Variants in GLDC observed in about 807,000 individuals in gnomAD.
GLDC encodes glycine decarboxylase.
In GLDC, 104 loss-of-function variants were observed where a neutral mutation model predicts 121.3. The observed-to-expected ratio is 0.86, with a 90% CI of 0.73 to 1.01. GLDC has a LOEUF of 1.01. GLDC is among the 50% of genes least tolerant of loss of function. The pLI is 0.00. For synonymous variants in GLDC, 546 were observed against 480.6 expected (o/e 1.14, Z -1.78); for missense variants, 1,429 against 1,306.6 (o/e 1.09, Z -1.44).
At chr9:6,607,399 A>T (rs7048581) in intron 4 of GLDC, among the ~76,000 whole-genome samples, 34,437 of 151,840 alleles carry the variant, frequency 0.23, 4,171 homozygotes, top group Admixed American at 0.3. Context: ...CCTGACCAAC[A>T]TAGCAAAACC....
chr9:6,591,733 T>C (rs1187002817), intron 11 of GLDC: 2 of 256,704 alleles, frequency 7.8e-6, no homozygotes, highest in Non-Finnish European at 1.5e-5. Flanking sequence ...TACAGGTATG[T>C]GCCACCATGC....
intron 15 of GLDC, among the ~76,000 whole-genome samples, chr9:6,581,843 TCAAAAAA>T (rs1265150669): frequency 6.6e-6 from 1 of 152,056 alleles, no homozygotes; most frequent in Non-Finnish European, 1.5e-5. Context: ...CCTTTGTGCA[TCAAAAAA>T]CACTGTAAAC....
chr9:6,589,223 G>C lies in GLDC; in HGVS notation c.1552C>G (p.Pro518Ala), dbSNP rs776323083. 1.2e-6 allele frequency: 2 copies of C among 1,607,444 alleles called. No homozygotes were observed. Among genetic ancestry groups the C allele is most frequent in the African/African-American group, 1.3e-5 (1 of 74,882 alleles). The stretch of plus-strand genomic sequence containing the variant: ...TTGAACACTTGATGGGTGAGGAACG[G>C]GCTGGTCCTCTTGAACACAGACCCT... The part of the protein sequence containing the change: ...IPGSVFKRTS[P>A]FLTHQVFNSY... The change falls in exon 12 of 25, where the codon CCG (proline) becomes GCG (alanine). Residue 518 changes from proline (P) to alanine (A), a missense_variant. Physicochemically the swap from Pro to Ala is conservative, Grantham distance 27 (BLOSUM62 -1). Transcript: ENST00000321612.
In GLDC at chr9:6,592,742, T is replaced by G. The variant is rs1818399104; in HGVS notation, c.1401+109A>C. The G allele has an allele frequency of 2.9e-6, 3 of 1,017,686 alleles. No individual in the cohort carries two copies. The Admixed American group carries it at 6.4e-5, about 22-fold the overall frequency. The allele number at this position is 1,017,686 out of a possible 1,614,324, so 63.0% of individuals were successfully genotyped here. On this transcript the variant is annotated intron_variant, in intron 10 of 24. Transcript: ENST00000321612. ...ACACTTGTTTATGAAAAAATAGGACTGTGCCTAAAGTTTTCCTTTTTATTT... is the reference window on the plus strand; with the variant it reads ...ACACTTGTTTATGAAAAAATAGGACGGTGCCTAAAGTTTTCCTTTTTATTT...
At chr9:6,614,265 T>A (rs1397366402) in intron 3 of GLDC, among the ~76,000 whole-genome samples, 2 of 152,122 alleles carry the variant, frequency 1.3e-5, no homozygotes, top group Non-Finnish European at 2.9e-5. Context: ...GACAGAGTCT[T>A]GCTCTGTCAC....
chr9:6,636,132 C>T (rs945573401), intron 2 of GLDC, among the ~76,000 whole-genome samples: 2 of 151,936 alleles, frequency 1.3e-5, no homozygotes, highest in African/African-American at 2.4e-5. Context: ...GTGAAACCCC[C>T]GTCTCTACTA....
chr9:6,545,933 G>A (rs987860519), intron 21 of GLDC, among the ~76,000 whole-genome samples: 7 of 152,100 alleles, frequency 4.6e-5, no homozygotes, highest in African/African-American at 1.7e-4. Flanking sequence ...GAGCCACCAT[G>A]CCCAGCGTAC....
Position 6,595,206 on chromosome 9 carries a change from A to G in GLDC, c.1156-87T>C, listed in dbSNP as rs560920269. On this transcript the variant is annotated intron_variant, in intron 8 of 24. Coordinates refer to ENST00000321612, the MANE Select transcript of GLDC (RefSeq NM_000170.3). ...TACTTGACTTGGGATGTCAAAACTG[A>G]AGACAGCGACAAAACAAAATGATCA... 3.6e-5 allele frequency: 32 copies of G among 886,326 alleles called. No homozygotes were observed. The African/African-American group carries it at 3.9e-4, about 11-fold the overall frequency. The allele number at this position is 886,326 out of a possible 1,614,324, so 54.9% of individuals were successfully genotyped here.
intron 2 of GLDC, chr9:6,639,048 TAGTAGTC>T (rs966049909): frequency 9.8e-6 from 6 of 614,842 alleles, no homozygotes; most frequent in Admixed American, 5.1e-5. Context: ...TGTCTTTCAA[TAGTAGTC>T]AGTAAACATT....
intron 2 of GLDC, among the ~76,000 whole-genome samples, chr9:6,624,427 A>G (rs1819188905): frequency 6.6e-6 from 1 of 152,186 alleles, no homozygotes; most frequent in South Asian, 2.1e-4. Flanking sequence ...ATGGCAGCAG[A>G]GACTGGAGCA....
intron 2 of GLDC, among the ~76,000 whole-genome samples, chr9:6,620,953 A>C (rs745961481): frequency 2.3e-4 from 35 of 152,284 alleles, no homozygotes; most frequent in South Asian, 1.0e-3. Context: ...GGATCACCTG[A>C]GGTCAGGAGT....
intron 8 of GLDC, among the ~76,000 whole-genome samples, chr9:6,601,072 C>T (rs1818600126): frequency 6.6e-6 from 1 of 152,176 alleles, no homozygotes; most frequent in African/African-American, 2.4e-5. Context: ...ACTCAGGAGG[C>T]TGAGGCAGGA....
At chr9:6,546,445 C>T (rs1014745573) in intron 21 of GLDC, among the ~76,000 whole-genome samples, 1 of 151,292 alleles carries the variant, frequency 6.6e-6, no homozygotes, top group Admixed American at 6.6e-5. Flanking sequence ...AGCAACCCTC[C>T]CGGCTTGGCC....
chr9:6,542,855 C>T (rs1817297005), intron 21 of GLDC, among the ~76,000 whole-genome samples: 1 of 141,138 alleles, frequency 7.1e-6, no homozygotes, highest in Non-Finnish European at 1.5e-5. Flanking sequence ...CACTGCATTC[C>T]AGCCTGGGTG....
At chr9:6,603,529 C>A (rs1392413115) in intron 7 of GLDC, among the ~76,000 whole-genome samples, 2 of 144,664 alleles carry the variant, frequency 1.4e-5, no homozygotes, top group Non-Finnish European at 3.0e-5. Context: ...GAGACTTGGT[C>A]TCAAAATAAA....
intron 15 of GLDC, among the ~76,000 whole-genome samples, chr9:6,582,243 G>A (rs1587942411): frequency 2.7e-5 from 4 of 147,032 alleles, no homozygotes; most frequent in Non-Finnish European, 6.0e-5. Flanking sequence ...AAAAAGCCGG[G>A]CATGGTGTCT....
chr9:6,602,292 C>G lies in GLDC; in HGVS notation c.1059-87G>C, dbSNP rs895789158. 3.5e-6 allele frequency: 3 copies of G among 868,662 alleles called. No homozygotes were observed. The Admixed American group carries it at 5.4e-5, about 16-fold the overall frequency. 53.8% of individuals were successfully genotyped at this position (868,662 alleles called of 1,614,324 possible). A position where few individuals can be genotyped will look rare whatever the true frequency, so the allele number is the denominator to read the frequency against. On this transcript the variant is annotated intron_variant, in intron 7 of 24. Transcript: ENST00000321612. The stretch of plus-strand genomic sequence containing the variant: ...ATAGAATTACTTCTTTCCTTCCCAG[C>G]TTGAAGTGAATTCAGCAAATGCACT...
intron 16 of GLDC, 32 bp from the exon 17 acceptor site, chr9:6,558,716 A>C (rs773639908): frequency 6.2e-7 from 1 of 1,613,504 alleles, no homozygotes; most frequent in Non-Finnish European, 8.5e-7. Flanking sequence ...AAGAAAGAGC[A>C]AAATCATCAT....
rs1036854580 is a variant in GLDC, at chr9:6,552,612, C to T, written c.2457+756G>A. ...TCCTCTGGAATGATTGGCATAGCTG[C>T]GTTTTGGGGGTTTTGTTTCAGTGGG... On this transcript the variant is annotated intron_variant, in intron 20 of 24. Coordinates refer to ENST00000321612, the MANE Select transcript of GLDC (RefSeq NM_000170.3). Among the ~76,000 whole-genome samples the T allele has an allele frequency of 3.3e-5, 5 of 152,088 alleles. No individual in the cohort carries two copies. In the East Asian group the frequency reaches 5.8e-4, roughly 18 times the overall value.
Sources: gnomAD v4.1 joint callset for allele counts (sites outside exome capture counted in the v4.1 genomes callset) on GRCh38, gnomAD v4.1.1 for gene constraint, MANE v1.5 for transcripts, NCBI Gene and HGNC (gene_info 2026-07-23, HGNC 2026-07-21) for gene names.